ZSWIM8: variants seen among roughly 807,000 people sequenced by gnomAD.
ZSWIM8 encodes zinc finger SWIM-type containing 8, also known as zinc finger SWIM domain-containing protein 8.
In ZSWIM8, 27 loss-of-function variants were observed where a neutral mutation model predicts 173.7. That is an observed-to-expected ratio of 0.16 (90% CI 0.11 to 0.21). ZSWIM8 has a LOEUF of 0.21. Among genes scored for constraint, ZSWIM8 ranks in the 10% least tolerant of loss-of-function variants. The pLI is 1.00. For missense variants in ZSWIM8, 1,627 were observed against 2,428.8 expected (o/e 0.67, Z 6.94); for synonymous variants, 958 against 962.0 (o/e 1.00, Z 0.08).
chr10:73,796,417 C>A, intron 15 of ZSWIM8: 1 of 408,810 alleles, frequency 2.4e-6, no homozygotes, highest in Non-Finnish European at 4.6e-6. Context: ...AGTAGGGAAT[C>A]TTGGGGACAT....
rs1448030480 is a variant in ZSWIM8, at chr10:73,800,434, C to A, written c.4964C>A (p.Pro1655His). 1 of 1,613,898 alleles carries A rather than the reference C, an allele frequency of 6.2e-7. No homozygotes were observed. Among genetic ancestry groups the A allele is most frequent in the East Asian group, 2.2e-5 (1 of 44,884 alleles). ...GAGACACACAGTCAGCCAGTCAATC[C>A]CCACAGCCTGCACCACCTGCATGCT... ...EEETHSQPVN[P>H]HSLHHLHAAY... The change falls in exon 23 of 26, where the codon CCC (proline) becomes CAC (histidine). Residue 1655 changes from proline to histidine, a missense_variant. Around this residue, in one of 18 missense-constraint regions of ZSWIM8, gnomAD observed 275 missense variants for 290.1 expected, o/e 0.95. Coordinates refer to ENST00000604729, the MANE Select transcript of ZSWIM8 (RefSeq NM_001367799.1). The surrounding 1 kb of genome is among the most constrained non-coding windows in gnomAD (Gnocchi z 4.1).
Position 73,799,355 on chromosome 10 carries a change from G to A in ZSWIM8, c.4530G>A (p.Leu1510=). 1 of 1,611,430 alleles carries A rather than the reference G, an allele frequency of 6.2e-7. No homozygotes were observed. Among genetic ancestry groups the A allele is most frequent in the Non-Finnish European group, 8.5e-7 (1 of 1,178,938 alleles). Residue 1510 remains leucine, a synonymous_variant, in exon 21 of 26, where the codon CTG becomes CTA. Transcript: ENST00000604729. ...TGGGGCATGGCCACTCCCCTGGCCT[G>A]CACCCCTACACTGCTCTACAGCCCC... ...PGLGHGHSPG[L]HPYTALQPHL... is the part of the protein sequence containing the mutation.
Position 73,789,123 on chromosome 10 carries a change from T to C in ZSWIM8, c.390T>C (p.Ser130=), listed in dbSNP as rs1238809167. ...TGTATTCGTGCCTGGCCAATGGCAG[T>C]GCGGATGAGTTTCAGCGAGGGGATC... The part of the protein sequence containing the change: ...IRLYSCLANG[S]ADEFQRGDQL... The change falls in exon 3 of 26, where the codon AGT becomes AGC. Residue 130 remains serine (S), a synonymous_variant. Coordinates refer to ENST00000604729, the MANE Select transcript of ZSWIM8 (RefSeq NM_001367799.1). The surrounding 1 kb of genome is among the most constrained non-coding windows in gnomAD (Gnocchi z 6.8). 3 of 1,613,816 alleles carry C rather than the reference T, an allele frequency of 1.9e-6. No homozygotes were observed. Among genetic ancestry groups the C allele is most frequent in the Non-Finnish European group, 8.5e-7 (1 of 1,179,852 alleles).
In ZSWIM8 at chr10:73,789,386, A is replaced by G. The variant is rs1252111012; in HGVS notation, c.477A>G (p.Thr159=). ...CCCCAGGGTTCCACCTGAGTGCTACAGTGGTGCCACCTCAGATGGTCCCTC... is the reference window on the plus strand; with the variant it reads ...CCCCAGGGTTCCACCTGAGTGCTACGGTGGTGCCACCTCAGATGGTCCCTC... The part of the protein sequence containing the change: ...PLQIGFHLSA[T]VVPPQMVPPK... The change falls in exon 4 of 26, where the codon ACA becomes ACG. Residue 159 remains threonine, a synonymous_variant. Coordinates refer to ENST00000604729, the MANE Select transcript of ZSWIM8 (RefSeq NM_001367799.1). This position sits in a 1 kb window ranked among gnomAD's most constrained non-coding sequence, Gnocchi z 6.8. 6.4e-7 allele frequency: 1 copy of G among 1,568,000 alleles called. No individual in the cohort carries two copies. The highest frequency in any genetic ancestry group is 1.2e-5 in the South Asian group (1 of 82,278).
chr10:73,790,355 C>A, intron 7 of ZSWIM8, 63 bp downstream of exon 7: 2 of 1,535,072 alleles, frequency 1.3e-6, no homozygotes, highest in Non-Finnish European at 1.8e-6. Flanking sequence ...AGGCTGATGA[C>A]AGATCCTTTC....
chr10:73,797,549 A>G lies in ZSWIM8; in HGVS notation c.3606A>G (p.Gly1202=). ...SDSLGSSSSS[G]SRRASASGGA... Reference sequence around the variant, plus strand: ...CCCTGGGCTCCTCATCCTCCAGTGGAAGTCGCCGGGCCAGTGCCAGTGGAG... The same window carrying G: ...CCCTGGGCTCCTCATCCTCCAGTGGGAGTCGCCGGGCCAGTGCCAGTGGAG... The change falls in exon 18 of 26, where the codon GGA becomes GGG. Residue 1202 remains glycine, a synonymous_variant. Transcript: ENST00000604729. This position sits in a 1 kb window ranked among gnomAD's most constrained non-coding sequence, Gnocchi z 5.6. The G allele has an allele frequency of 6.2e-7, 1 of 1,613,918 alleles. No individual in the cohort carries two copies. Among genetic ancestry groups the G allele is most frequent in the Non-Finnish European group, 8.5e-7 (1 of 1,179,858 alleles).
chr10:73,792,391 C>T lies in ZSWIM8; in HGVS notation c.1852C>T (p.Leu618=), dbSNP rs766029557. 9.3e-6 allele frequency: 15 copies of T among 1,605,838 alleles called. 1 individual carries two copies. In the Middle Eastern group the frequency reaches 6.6e-4, roughly 70 times the overall value. ...CGAAGACAGCTCCCTGGAGCCAGACCTGGCCGAGATGAGCCTGGATGACAG... is the reference window on the plus strand; with the variant it reads ...CGAAGACAGCTCCCTGGAGCCAGACTTGGCCGAGATGAGCCTGGATGACAG... The part of the protein sequence containing the change: ...SSEDSSLEPD[L]AEMSLDDSSL... Residue 618 remains leucine (L), a synonymous_variant, in exon 10 of 26, where the codon CTG becomes TTG. Coordinates refer to ENST00000604729, the MANE Select transcript of ZSWIM8 (RefSeq NM_001367799.1). The surrounding 1 kb of genome is among the most constrained non-coding windows in gnomAD (Gnocchi z 4.3).
intron 1 of ZSWIM8, 90 bp downstream of exon 1, chr10:73,786,176 G>A (rs1031864246): frequency 3.8e-6 from 5 of 1,332,262 alleles, no homozygotes; most frequent in African/African-American, 1.5e-5. Flanking sequence ...CCCCGACCAA[G>A]AGCTCTCTTC....
chr10:73,801,342 G>A lies in ZSWIM8; in HGVS notation c.5328G>A (p.Leu1776=). 6.2e-7 allele frequency: 1 copy of A among 1,613,942 alleles called. No individual in the cohort carries two copies. Among genetic ancestry groups the A allele is most frequent in the Non-Finnish European group, 8.5e-7 (1 of 1,179,852 alleles). ...MQYIHHRLIH[L]TPADYDDFVN... ...ACATCCACCACCGCTTGATTCACCT[G>A]ACTCCTGCGGACTACGACGACTTTG... The change falls in exon 26 of 26, where the codon CTG becomes CTA. Residue 1776 remains leucine (L), a synonymous_variant. Coordinates refer to ENST00000604729, the MANE Select transcript of ZSWIM8 (RefSeq NM_001367799.1). This position sits in a 1 kb window ranked among gnomAD's most constrained non-coding sequence, Gnocchi z 4.9.
At chr10:73,795,437 C>G (rs1462400460) in intron 14 of ZSWIM8, 102 bp from the exon 15 acceptor site, 1 of 1,549,164 alleles carries the variant, frequency 6.5e-7, no homozygotes. Context: ...CAAGGGAACC[C>G]CTTACTTCAT....
chr10:73,801,438 C>A lies in ZSWIM8; in HGVS notation c.5424C>A (p.Ile1808=). 6.2e-7 allele frequency: 1 copy of A among 1,613,982 alleles called. No individual in the cohort carries two copies. The change falls in exon 26 of 26, where the codon ATC becomes ATA. Residue 1808 remains isoleucine, a synonymous_variant. Transcript: ENST00000604729. This position sits in a 1 kb window ranked among gnomAD's most constrained non-coding sequence, Gnocchi z 4.9. ...TPMGMMQFND[I]LQNLKRSKQT... ...TGGGCATGATGCAGTTCAACGACAT[C>A]CTACAGAACCTCAAGCGCAGCAAAC...
chr10:73,787,896 A>T (rs2083281606), intron 1 of ZSWIM8, among the ~76,000 whole-genome samples: 1 of 151,966 alleles, frequency 6.6e-6, no homozygotes, highest in Non-Finnish European at 1.5e-5. Flanking sequence ...AAAGGGGTTA[A>T]CTCTTCTAAA....
At position 73,786,015 on chromosome 10, in the gene ZSWIM8, A is replaced by G; in HGVS notation, c.137A>G (p.Lys46Arg). 1 of 1,602,940 alleles carries G rather than the reference A, an allele frequency of 6.2e-7. No individual in the cohort carries two copies. The highest frequency in any genetic ancestry group is 8.5e-7 in the Non-Finnish European group (1 of 1,174,546). Residue 46 changes from lysine to arginine, a missense_variant, in exon 1 of 26, where the codon AAA (lysine) becomes AGA (arginine). This residue lies in a region of ZSWIM8 where 60 missense variants were observed against 93.9 expected (regional missense o/e 0.64). Transcript: ENST00000604729. Reference protein sequence around the residue: ...SLCQNWRGWRKQSAGPNSPTG... With the variant: ...SLCQNWRGWRRQSAGPNSPTG... ...TGCCAGAACTGGCGGGGATGGCGCA[A>G]ACAGTCAGCGGGGCCCAATTCCCCC...
At position 73,786,142 on chromosome 10, in the gene ZSWIM8, G is replaced by A. The variant is rs2083209074; in HGVS notation, c.208+56G>A. 11 of 1,457,864 alleles carry A rather than the reference G, an allele frequency of 7.5e-6. No homozygotes were observed. In the South Asian group the frequency reaches 1.4e-4, roughly 18 times the overall value. The allele number at this position is 1,457,864 out of a possible 1,614,324, so 90.3% of individuals were successfully genotyped here. On this transcript the variant is annotated intron_variant, in intron 1 of 25. Transcript: ENST00000604729. Reference sequence around the variant, plus strand: ...CAGGCCCTGCTTGGGCCTCGCTCGGGAGCTGTCCGGGACCAGGAGCTGTCC... The same window carrying A: ...CAGGCCCTGCTTGGGCCTCGCTCGGAAGCTGTCCGGGACCAGGAGCTGTCC...
At chr10:73,798,719 A>G (rs954761535) in intron 20 of ZSWIM8, among the ~76,000 whole-genome samples, 7 of 152,230 alleles carry the variant, frequency 4.6e-5, no homozygotes, top group Admixed American at 2.6e-4. Context: ...CACTCAGGAT[A>G]GAAAACTTAG....
chr10:73,787,398 G>A (rs753834823), intron 1 of ZSWIM8, among the ~76,000 whole-genome samples: 12 of 152,206 alleles, frequency 7.9e-5, no homozygotes, highest in Non-Finnish European at 1.5e-4. Flanking sequence ...ATTTGAGTAT[G>A]TGGGTGGTCT....
chr10:73,789,584 C>A lies in ZSWIM8; in HGVS notation c.630+45C>A. ...TCCCGGCCCTATCCTACACTCCATC[C>A]CCCCCTTCTCTGCTGCATGCCTGGC... On this transcript the variant is annotated intron_variant, in intron 4 of 25. Coordinates refer to ENST00000604729, the MANE Select transcript of ZSWIM8 (RefSeq NM_001367799.1). The surrounding 1 kb of genome is among the most constrained non-coding windows in gnomAD (Gnocchi z 6.8). 1 of 1,592,594 alleles carries A rather than the reference C, an allele frequency of 6.3e-7. No homozygotes were observed.
rs1198691787 is a variant in ZSWIM8, at chr10:73,792,959, C to G, written c.2313+107C>G. The G allele has an allele frequency of 1.6e-5, 22 of 1,373,458 alleles. No homozygotes were observed. The East Asian group carries it at 4.9e-4, about 31-fold the overall frequency. The allele number at this position is 1,373,458 out of a possible 1,614,324, so 85.1% of individuals were successfully genotyped here. On this transcript the variant is annotated intron_variant, in intron 10 of 25. Coordinates refer to ENST00000604729, the MANE Select transcript of ZSWIM8 (RefSeq NM_001367799.1). This position sits in a 1 kb window ranked among gnomAD's most constrained non-coding sequence, Gnocchi z 4.3. Reference sequence around the variant, plus strand: ...GGACCATCAGCAGGATTGTGAGAACCCTGTTGCAGGCGCCGAACTGGTCTC... The same window carrying G: ...GGACCATCAGCAGGATTGTGAGAACGCTGTTGCAGGCGCCGAACTGGTCTC...
chr10:73,795,619 G>C lies in ZSWIM8; in HGVS notation c.2989G>C (p.Ala997Pro), dbSNP rs1589578320. 1 of 1,613,830 alleles carries C rather than the reference G, an allele frequency of 6.2e-7. No homozygotes were observed. Among genetic ancestry groups the C allele is most frequent in the East Asian group, 2.2e-5 (1 of 44,878 alleles). The change falls in exon 15 of 26, where the codon GCA becomes CCA. Residue 997 changes from alanine (A) to proline (P), a missense_variant. Coordinates refer to ENST00000604729, the MANE Select transcript of ZSWIM8 (RefSeq NM_001367799.1). ...TCGGGAGAAGGGTGACCTGGCATTA[G>C]CACTAATGATCACTTACAAGGACGA... is the stretch of plus-strand genomic sequence containing the variant. ...TRREKGDLAL[A>P]LMITYKDDQA...
Sources: gnomAD v4.1 joint callset for allele counts (sites outside exome capture counted in the v4.1 genomes callset) on GRCh38, gnomAD v4.1.1 for gene constraint, gnomAD v4.1.1 regional missense constraint, Gnocchi (gnomAD v3.1) non-coding constraint, MANE v1.5 for transcripts, NCBI Gene and HGNC (gene_info 2026-07-23, HGNC 2026-07-21) for gene names.